The following ZNF718 variants were observed in gnomAD, a reference collection of about 807,000 sequenced individuals.
ZNF718 encodes zinc finger protein 718.
ZNF718 carries 3 observed loss-of-function variants against 2.6 expected under a neutral mutation model. The observed-to-expected ratio is 1.16, with a 90% confidence interval of 0.53 to 3.01. ZNF718 has a LOEUF of 3.01. ZNF718 is among the 30% of genes most tolerant of loss of function. The pLI is 0.03. For missense variants in ZNF718, 468 were observed against 230.0 expected (o/e 2.03, Z -6.69); for synonymous variants, 135 against 77.9 (o/e 1.73, Z -3.86).
chr4:180,570 C>A (rs549784950), intron 3 of ZNF718, among the ~76,000 whole-genome samples: 3 of 152,284 alleles, frequency 2.0e-5, no homozygotes, highest in Admixed American at 2.0e-4. Context: ...CAAACCAGGA[C>A]CTTCCAGGTA....
Position 161,248 on chromosome 4 carries a change from AAC to A in ZNF718, c.567_568del (p.His189GlnfsTer13). The A allele has an allele frequency of 1.3e-6, 1 of 777,826 alleles. No homozygotes were observed. The highest frequency in any genetic ancestry group is 2.4e-6 in the Non-Finnish European group (1 of 417,854). The allele number at this position is 777,826 out of a possible 1,614,324, so 48.2% of individuals were successfully genotyped here. A position where few individuals can be genotyped will look rare whatever the true frequency, so the allele number is the denominator to read the frequency against. The stretch of plus-strand genomic sequence containing the variant: ...TTTCACGTGCTCTCACGCCTAACTC[AAC>A]ACAAAAGAATTCATACTGGAGAGAA... On this transcript the variant is annotated frameshift_variant, in exon 4 of 4. Transcript: ENST00000510175. LOFTEE classifies it low-confidence loss of function (END_TRUNC).
intron 3 of ZNF718, among the ~76,000 whole-genome samples, chr4:157,445 T>C (rs1407874896): frequency 2.0e-5 from 3 of 152,134 alleles, no homozygotes; most frequent in Non-Finnish European, 4.4e-5. Context: ...GATCGCTTGG[T>C]GCTACATTGT....
chr4:144,092 T>C (rs902438623), intron 3 of ZNF718, among the ~76,000 whole-genome samples: 13 of 152,130 alleles, frequency 8.5e-5, no homozygotes, highest in East Asian at 3.9e-4. Context: ...TCCATTTACG[T>C]TGGGCATACC....
At chr4:190,517 A>AG (rs113111475) in intron 3 of ZNF718, among the ~76,000 whole-genome samples, 11,581 of 151,966 alleles carry the variant, frequency 0.076, 1,303 homozygotes, top group African/African-American at 0.24. Context: ...AGAAGCTATA[A>AG]GGTGACAAAT....
intron 3 of ZNF718, among the ~76,000 whole-genome samples, chr4:176,316 C>A (rs1419085901): frequency 6.6e-6 from 1 of 152,122 alleles, no homozygotes; most frequent in Admixed American, 6.5e-5. Context: ...ACAAAACCTT[C>A]CCCCTGCTAA....
intron 3 of ZNF718, among the ~76,000 whole-genome samples, chr4:139,752 C>A (rs1451643145): frequency 6.6e-6 from 1 of 152,230 alleles, no homozygotes; most frequent in Non-Finnish European, 1.5e-5. Flanking sequence ...GTTTGGGATT[C>A]ATTTTTCTCT....
In ZNF718 at chr4:162,030, A is replaced by C. The variant is rs781886965; in HGVS notation, c.1345A>C (p.Lys449Gln). The change falls in exon 4 of 4, where the codon AAA becomes CAA. Residue 449 changes from lysine to glutamine, a missense_variant. By Grantham distance (53) the Lys-to-Gln change is moderately conservative. Coordinates refer to ENST00000510175, the MANE Select transcript of ZNF718 (RefSeq NM_001039127.6). ...ACATAAGAAAATTCACACTGTAGAT[A>C]AACCCTACAAATGTAAAGAATGCGG... is the stretch of plus-strand genomic sequence containing the variant. The part of the protein sequence containing the change: ...NKHKKIHTVD[K>Q]PYKCKECGKA... 1 of 777,916 alleles carries C rather than the reference A, an allele frequency of 1.3e-6. No homozygotes were observed. The allele number at this position is 777,916 out of a possible 1,614,324, so 48.2% of individuals were successfully genotyped here.
chr4:164,140 AAT>A lies in ZNF718; in HGVS notation c.*2021_*2022del, dbSNP rs1717029552. Among the ~76,000 whole-genome samples, 1 of 152,050 alleles carries A rather than the reference AAT, an allele frequency of 6.6e-6. No homozygotes were observed. Among genetic ancestry groups the A allele is most frequent in the African/African-American group, 2.4e-5 (1 of 41,450 alleles). On this transcript the variant is annotated 3_prime_UTR_variant, in exon 4 of 4. Transcript: ENST00000510175. The stretch of plus-strand genomic sequence containing the variant: ...TTTAGACATTTCTGTGTCCTGAATA[AAT>A]ATGTTTTTAAATGTTCCATATTTTT...
chr4:133,678 G>C (rs2108780878), intron 3 of ZNF718, among the ~76,000 whole-genome samples: 1 of 152,298 alleles, frequency 6.6e-6, no homozygotes, highest in Non-Finnish European at 1.5e-5. Flanking sequence ...TTTAATACAA[G>C]AGTTATGTTT....
downstream of ZNF718, among the ~76,000 whole-genome samples, chr4:166,307 CAT>C (rs1310379188): frequency 2.6e-5 from 4 of 152,174 alleles, no homozygotes; most frequent in Non-Finnish European, 4.4e-5. Flanking sequence ...CTGCGATAAA[CAT>C]ATGTGTGCAT....
At chr4:153,030 T>TATG (rs1716400635) in intron 3 of ZNF718, among the ~76,000 whole-genome samples, 1 of 146,496 alleles carries the variant, frequency 6.8e-6, no homozygotes, top group Admixed American at 7.1e-5. Flanking sequence ...TTCAAATAGC[T>TATG]TTATATGTTT....
At chr4:159,137 A>T (rs782424992) in intron 3 of ZNF718, among the ~76,000 whole-genome samples, 7 of 151,500 alleles carry the variant, frequency 4.6e-5, no homozygotes, top group African/African-American at 7.3e-5. Context: ...CCTGGGTTCA[A>T]GCAATTCTTT....
rs372470637 is a variant in ZNF718 at position 161,121 on chromosome 4, A to C, written c.436A>C (p.Asn146His). 8.1e-5 allele frequency: 62 copies of C among 760,808 alleles called. No homozygotes were observed. The highest frequency in any genetic ancestry group is 3.1e-4 in the Admixed American group (17 of 54,992). 47.1% of individuals were successfully genotyped at this position (760,808 alleles called of 1,614,324 possible). ...LTTQKKTIQS[N>H]ICVKVFHKFS... ...TACCCAGAAAAAAACAATTCAATCT[A>C]ATATATGTGTCAAAGTTTTTCATAA... The change falls in exon 4 of 4, where the codon AAT (asparagine) becomes CAT (histidine). Residue 146 changes from asparagine (N) to histidine (H), a missense_variant. By Grantham distance (68) the Asn-to-His change is moderately conservative. Coordinates refer to ENST00000510175, the MANE Select transcript of ZNF718 (RefSeq NM_001039127.6).
chr4:191,077 C>G (rs1717684056), intron 3 of ZNF718, among the ~76,000 whole-genome samples: 1 of 149,138 alleles, frequency 6.7e-6, no homozygotes, highest in South Asian at 2.1e-4. Flanking sequence ...AATATATTTT[C>G]AAAAGTGAAG....
intron 3 of ZNF718, among the ~76,000 whole-genome samples, chr4:139,578 C>G (rs1715721167): frequency 6.6e-6 from 1 of 152,230 alleles, no homozygotes; most frequent in African/African-American, 2.4e-5. Context: ...TACGCTTGGG[C>G]TTTTTCCCAC....
intron 3 of ZNF718, among the ~76,000 whole-genome samples, chr4:159,641 CTTGT>C (rs1210026752): frequency 2.2e-4 from 33 of 151,794 alleles, no homozygotes; most frequent in Non-Finnish European, 4.1e-4. Context: ...ACCTTCATGA[CTTGT>C]TTTTTATATT....
At chr4:139,871 G>A (rs972160596) in intron 3 of ZNF718, among the ~76,000 whole-genome samples, 24 of 152,226 alleles carry the variant, frequency 1.6e-4, no homozygotes, top group Admixed American at 1.2e-3. Context: ...GCTGTGGCCT[G>A]TGAAACTAAT....
chr4:188,084 CTCATAAGCTGGAA>C (rs1390139860), intron 3 of ZNF718, among the ~76,000 whole-genome samples: 2 of 152,196 alleles, frequency 1.3e-5, no homozygotes, highest in Non-Finnish European at 2.9e-5. Context: ...TCAGCTTGGA[CTCATAAGCTGGAA>C]TGGCTGAGTC....
intron 3 of ZNF718, among the ~76,000 whole-genome samples, chr4:150,609 A>G (rs1383975455): frequency 6.6e-6 from 1 of 151,920 alleles, no homozygotes; most frequent in East Asian, 1.9e-4. Flanking sequence ...ACTGAATAGT[A>G]TTTTGTTGTG....
Sources: gnomAD v4.1 joint callset for allele counts (sites outside exome capture counted in the v4.1 genomes callset) on GRCh38, gnomAD v4.1.1 for gene constraint, MANE v1.5 for transcripts, NCBI Gene and HGNC (gene_info 2026-07-23, HGNC 2026-07-21) for gene names.